The following OR6J1 variants were observed in gnomAD, a reference collection of about 807,000 sequenced individuals.
The protein encoded by OR6J1 is olfactory receptor 6J1.
For synonymous variants in OR6J1, 109 were observed against 70.0 expected (o/e 1.56, Z -2.78); for missense variants, 304 against 166.8 (o/e 1.82, Z -4.53).
rs780194632 is a variant in OR6J1, at chr14:22,634,598, A to C, written c.214T>G (p.Phe72Val). The C allele has an allele frequency of 1.4e-6, 1 of 724,010 alleles. No individual in the cohort carries two copies. The allele number at this position is 724,010 out of a possible 1,614,324, so 44.8% of individuals were successfully genotyped here. ...ACTTTTGGAGAGATGACTGAGGTGA[A>C]GAGGATGTCCAGGATAGAGAGGTTG... is the stretch of plus-strand genomic sequence containing the variant. Reference protein sequence around the residue: ...LCNLSILDILFTSVISPKVLA... With the variant: ...LCNLSILDILVTSVISPKVLA... Residue 72 changes from phenylalanine (F) to valine (V), a missense_variant, in exon 2 of 2, where the codon TTC becomes GTC. Coordinates refer to ENST00000540461, the MANE Select transcript of OR6J1 (RefSeq NM_001348233.2).
Position 22,637,005 on chromosome 14 carries a change from T to C in OR6J1, c.-27-2167A>G, listed in dbSNP as rs1594901993. On this transcript the variant is annotated intron_variant, in intron 1 of 1. Coordinates refer to ENST00000540461, the MANE Select transcript of OR6J1 (RefSeq NM_001348233.2). ...CCCGGCCGCCTTCCCATCTAGGAAG[T>C]GAGGAGCGTCTCTGCCCGGCCGCCC... Among the ~76,000 whole-genome samples, 6 of 124,380 alleles carry C rather than the reference T, an allele frequency of 4.8e-5. No individual in the cohort carries two copies. In the South Asian group the frequency reaches 1.2e-3, roughly 24 times the overall value. 81.6% of individuals were successfully genotyped at this position (124,380 alleles called of 152,430 possible). A position where few individuals can be genotyped will look rare whatever the true frequency, so the allele number is the denominator to read the frequency against.
intron 1 of OR6J1, among the ~76,000 whole-genome samples, chr14:22,642,294 C>T (rs1233360798): frequency 7.2e-6 from 1 of 139,084 alleles, no homozygotes; most frequent in Non-Finnish European, 1.5e-5. Context: ...GTGTGTCCAT[C>T]ACCACAATCA....
intron 1 of OR6J1, among the ~76,000 whole-genome samples, 197 bp from the exon 2 acceptor site, chr14:22,635,035 G>T (rs1248474776): frequency 6.6e-6 from 1 of 152,138 alleles, no homozygotes; most frequent in Non-Finnish European, 1.5e-5. Context: ...TGTCAGCAAG[G>T]GTGTCCTGAG....
At chr14:22,639,234 T>C (rs1417111186) in intron 1 of OR6J1, among the ~76,000 whole-genome samples, 2 of 103,368 alleles carry the variant, frequency 1.9e-5, no homozygotes, top group East Asian at 2.5e-4. Flanking sequence ...AGGGAGGTGG[T>C]GGGGGGTCAG....
chr14:22,634,940 G>T, intron 1 of OR6J1, 102 bp from the exon 2 acceptor site: 1 of 577,032 alleles, frequency 1.7e-6, no homozygotes, highest in East Asian at 2.8e-5. Context: ...ATGACTGCCA[G>T]CTAGACGTGT....
chr14:22,642,348 T>TATAC (rs2037658941), intron 1 of OR6J1, among the ~76,000 whole-genome samples: 1 of 135,102 alleles, frequency 7.4e-6, no homozygotes, highest in Non-Finnish European at 1.6e-5. Context: ...TATATATATA[T>TATAC]ATATATTTGA....
intron 1 of OR6J1, among the ~76,000 whole-genome samples, chr14:22,643,796 G>A (rs73601354): frequency 0.023 from 3,402 of 146,714 alleles, 142 homozygotes; most frequent in African/African-American, 0.087. Flanking sequence ...GAGAGAGAGA[G>A]AGACAGCAGT....
At chr14:22,642,869 G>T (rs553320057) in intron 1 of OR6J1, among the ~76,000 whole-genome samples, 1 of 151,774 alleles carries the variant, frequency 6.6e-6, no homozygotes, top group East Asian at 2.0e-4. Context: ...GTGGCATGAA[G>T]ATAGCTCACT....
chr14:22,641,266 AAAGGAAGGAAGG>A (rs1555310982), intron 1 of OR6J1, among the ~76,000 whole-genome samples: 1 of 122,788 alleles, frequency 8.1e-6, no homozygotes, highest in African/African-American at 3.2e-5. Flanking sequence ...AGAAAGAAAG[AAAGGAAGGAAGG>A]AAGAAAGAGA....
In OR6J1 at chr14:22,633,873, C is replaced by G; in HGVS notation, c.939G>C (p.Lys313Asn). 2 of 702,862 alleles carry G rather than the reference C, an allele frequency of 2.8e-6. No individual in the cohort carries two copies. The highest frequency in any genetic ancestry group is 5.2e-6 in the Non-Finnish European group (2 of 384,852). 43.5% of individuals were successfully genotyped at this position (702,862 alleles called of 1,614,324 possible). A position where few individuals can be genotyped will look rare whatever the true frequency, so the allele number is the denominator to read the frequency against. Residue 313 changes from lysine to asparagine, a missense_variant, in exon 2 of 2, where the codon AAG becomes AAC. Physicochemically the swap from Lys to Asn is moderately conservative, Grantham distance 94. Coordinates refer to ENST00000540461, the MANE Select transcript of OR6J1 (RefSeq NM_001348233.2). The stretch of plus-strand genomic sequence containing the variant: ...TGCTTCTCAGCACTGCCCTCATCCT[C>G]TTTTCAAAAACTCCTCGAACCCTGA... ...VWVRVRGVFE[K>N]RMRAVLRSRL...
At chr14:22,643,741 A>G (rs1217715161) in intron 1 of OR6J1, among the ~76,000 whole-genome samples, 3 of 97,946 alleles carry the variant, frequency 3.1e-5, no homozygotes, top group African/African-American at 1.2e-4. Context: ...ACACACACAC[A>G]CACACACACA....
At position 22,639,163 on chromosome 14, in the gene OR6J1, C is replaced by T. The variant is rs1156282588; in HGVS notation, c.-27-4325G>A. ...TCTGAGAAGTGAGGAGCCTCTCCGCCCGGCAGCCACCCCATCTGGGAAGTG... is the reference window on the plus strand; with the variant it reads ...TCTGAGAAGTGAGGAGCCTCTCCGCTCGGCAGCCACCCCATCTGGGAAGTG... On this transcript the variant is annotated intron_variant, in intron 1 of 1. Coordinates refer to ENST00000540461, the MANE Select transcript of OR6J1 (RefSeq NM_001348233.2). Among the ~76,000 whole-genome samples the T allele has an allele frequency of 1.8e-5, 2 of 109,158 alleles. 1 individual carries two copies. The highest frequency in any genetic ancestry group is 3.5e-5 in the Non-Finnish European group (2 of 56,374). The allele number at this position is 109,158 out of a possible 152,430, so 71.6% of individuals were successfully genotyped here. A position where few individuals can be genotyped will look rare whatever the true frequency, so the allele number is the denominator to read the frequency against.
chr14:22,634,928 T>G, intron 1 of OR6J1, 90 bp from the exon 2 acceptor site: 1 of 585,950 alleles, frequency 1.7e-6, no homozygotes, highest in Non-Finnish European at 3.0e-6. Context: ...ACATAGAACA[T>G]GATGACTGCC....
At chr14:22,638,064 T>C (rs1481241255) in intron 1 of OR6J1, among the ~76,000 whole-genome samples, 1 of 102,538 alleles carries the variant, frequency 9.8e-6, no homozygotes, top group African/African-American at 5.8e-5. Flanking sequence ...AGCCGCCCCA[T>C]CCGGGAGGTG....
In OR6J1 at chr14:22,631,770, C is replaced by A; in HGVS notation, c.*1998G>T. The A allele has an allele frequency of 6.5e-6, 1 of 154,054 alleles. No homozygotes were observed. The highest frequency in any genetic ancestry group is 1.8e-4 in the South Asian group (1 of 5,520). The allele number at this position is 154,054 out of a possible 1,614,324, so 9.5% of individuals were successfully genotyped here. On this transcript the variant is annotated 3_prime_UTR_variant, in exon 2 of 2. Transcript: ENST00000540461. ...TATCCACATTCTTCTGCCATGGCTT[C>A]AGCCGGTCCCTCCGTTTGGGGTGCC...
At chr14:22,638,831 A>G (rs1160155367) in intron 1 of OR6J1, among the ~76,000 whole-genome samples, 1 of 137,186 alleles carries the variant, frequency 7.3e-6, no homozygotes, top group Non-Finnish European at 1.5e-5. Flanking sequence ...CCAGTCTGGA[A>G]AGTGAGGAGC....
At chr14:22,638,035 G>A (rs1296206339) in intron 1 of OR6J1, among the ~76,000 whole-genome samples, 3 of 98,262 alleles carry the variant, frequency 3.1e-5, no homozygotes, top group Non-Finnish European at 5.9e-5. Context: ...TGGTGGGGGG[G>A]TCAGCCCCCC....
rs1285665934 is a variant in OR6J1 at position 22,637,888 on chromosome 14, G to C, written c.-27-3050C>G. On this transcript the variant is annotated intron_variant, in intron 1 of 1. Coordinates refer to ENST00000540461, the MANE Select transcript of OR6J1 (RefSeq NM_001348233.2). ...GGGGGTGGGGTCGGCCAGCCGCCCT[G>C]TCCGGGAGGGAGGTGGGGGGGTCAG... 5.8e-5 allele frequency among the ~76,000 whole-genome samples: 2 copies of C among 34,568 alleles called. 1 individual carries two copies. Among genetic ancestry groups the C allele is most frequent in the Non-Finnish European group, 1.1e-4 (2 of 18,618 alleles). The allele number at this position is 34,568 out of a possible 152,430, so 22.7% of individuals were successfully genotyped here. A position where few individuals can be genotyped will look rare whatever the true frequency, so the allele number is the denominator to read the frequency against.
rs776210938 is a variant in OR6J1, at chr14:22,634,456, T to C, written c.356A>G (p.Tyr119Cys). ...VEFLLLTVMS[Y>C]DRYATICCPL... ...GCAGCAGATGGTGGCATAACGGTCA[T>C]AGGACATGACCGTCAGCAGGAGGAA... is the stretch of plus-strand genomic sequence containing the variant. Residue 119 changes from tyrosine to cysteine, a missense_variant, in exon 2 of 2, where the codon TAT becomes TGT. Coordinates refer to ENST00000540461, the MANE Select transcript of OR6J1 (RefSeq NM_001348233.2). 4.3e-6 allele frequency: 3 copies of C among 703,336 alleles called. No individual in the cohort carries two copies. The highest frequency in any genetic ancestry group is 3.0e-5 in the South Asian group (2 of 67,590). 43.6% of individuals were successfully genotyped at this position (703,336 alleles called of 1,614,324 possible).
Sources: allele counts gnomAD v4.1 joint callset (sites outside exome capture counted in the v4.1 genomes callset), GRCh38; gene constraint gnomAD v4.1.1; transcripts MANE v1.5; gene names NCBI Gene and HGNC (gene_info 2026-07-23, HGNC 2026-07-21).